RHOBTB1: variants seen among roughly 807,000 people sequenced by gnomAD.
The protein encoded by RHOBTB1 is Rho related BTB domain containing 1, also known as rho-related BTB domain-containing protein 1.
In RHOBTB1, 40 loss-of-function variants were observed where a neutral mutation model predicts 71.6. The observed-to-expected ratio is 0.56, with a 90% CI of 0.43 to 0.73. The LOEUF is 0.73. RHOBTB1 is among the 30% of genes least tolerant of loss of function. RHOBTB1 has a pLI of 0.00. For synonymous variants in RHOBTB1, 319 were observed against 334.9 expected (o/e 0.95, Z 0.52); for missense variants, 797 against 894.0 (o/e 0.89, Z 1.38).
intron 7 of RHOBTB1, among the ~76,000 whole-genome samples, chr10:60,885,665 G>A (rs548052330): frequency 6.6e-6 from 1 of 152,170 alleles, no homozygotes; most frequent in Non-Finnish European, 1.5e-5. Flanking sequence ...CCCCTGTCTG[G>A]TTAGGGGCAT....
chr10:60,942,965 G>C (rs1450580627), intron 1 of RHOBTB1, among the ~76,000 whole-genome samples: 3 of 152,088 alleles, frequency 2.0e-5, no homozygotes, highest in Non-Finnish European at 1.5e-5. Flanking sequence ...TGAGCGTCTG[G>C]CTGGAGTTCA....
chr10:60,994,265 G>T (rs1188544707), intron 1 of RHOBTB1, among the ~76,000 whole-genome samples: 3 of 152,058 alleles, frequency 2.0e-5, no homozygotes, highest in Admixed American at 2.0e-4. Context: ...TAAGGATGAG[G>T]ATAAGCAATT....
At position 60,954,715 on chromosome 10, in the gene RHOBTB1, A is replaced by T. The variant is rs78593665; in HGVS notation, c.-61-12861T>A. 4.2e-3 allele frequency among the ~76,000 whole-genome samples: 642 copies of T among 152,320 alleles called. 2 individuals carry two copies. Among genetic ancestry groups the T allele is most frequent in the African/African-American group, 0.015 (608 of 41,566 alleles). ...AATTGGATGGAAGGAAATGTGACAA[A>T]ATTATTTTTGAAATTACCCAAAAAG... On this transcript the variant is annotated intron_variant, in intron 2 of 11. Coordinates refer to the RHOBTB1 transcript ENST00000357917.
chr10:60,914,186 A>G (rs1421228704), intron 2 of RHOBTB1, among the ~76,000 whole-genome samples: 1 of 152,194 alleles, frequency 6.6e-6, no homozygotes, highest in South Asian at 2.1e-4. Flanking sequence ...AGACAGAAAA[A>G]GTTTTGGGTG....
chr10:60,915,622 A>T (rs1237933653), intron 2 of RHOBTB1, among the ~76,000 whole-genome samples: 4 of 152,202 alleles, frequency 2.6e-5, no homozygotes, highest in Non-Finnish European at 5.9e-5. Context: ...ATTGTTAAAT[A>T]AACAAGACAG....
intron 2 of RHOBTB1, among the ~76,000 whole-genome samples, chr10:60,911,976 A>G (rs2082998277): frequency 6.6e-6 from 1 of 152,130 alleles, no homozygotes; most frequent in Non-Finnish European, 1.5e-5. Context: ...TGGCAATGCT[A>G]GCATCTACTT....
chr10:60,942,279 T>G (rs974686014), intron 1 of RHOBTB1, among the ~76,000 whole-genome samples: 2 of 152,370 alleles, frequency 1.3e-5, no homozygotes, highest in African/African-American at 4.8e-5. Flanking sequence ...GCTTTTCCTG[T>G]TGTATTTGTA....
intron 4 of RHOBTB1, among the ~76,000 whole-genome samples, chr10:60,907,098 T>C (rs187718533): frequency 6.6e-6 from 1 of 152,188 alleles, no homozygotes; most frequent in African/African-American, 2.4e-5. Flanking sequence ...GTGACTTTGC[T>C]CCTCCTTTGC....
intron 2 of RHOBTB1, among the ~76,000 whole-genome samples, chr10:60,963,069 A>C (rs140081209): frequency 1.6e-4 from 24 of 152,276 alleles, no homozygotes; most frequent in African/African-American, 5.5e-4. Context: ...AAGTATTGCA[A>C]ATATGTATAA....
At chr10:60,982,237 ACC>A (rs1483743921) in intron 2 of RHOBTB1, among the ~76,000 whole-genome samples, 8 of 152,124 alleles carry the variant, frequency 5.3e-5, no homozygotes, top group Non-Finnish European at 1.2e-4. Context: ...TCCTAAAGGC[ACC>A]TATATATTGG....
At position 60,888,421 on chromosome 10, in the gene RHOBTB1, T is replaced by A. The variant is rs1384572334; in HGVS notation, c.1247A>T (p.Gln416Leu). The A allele has an allele frequency of 6.2e-7, 1 of 1,614,174 alleles. No homozygotes were observed. Among genetic ancestry groups the A allele is most frequent in the South Asian group, 1.1e-5 (1 of 91,082 alleles). Residue 416 changes from glutamine (Q) to leucine (L), a missense_variant, in exon 6 of 11, where the codon CAG becomes CTG. Coordinates refer to ENST00000337910, the MANE Select transcript of RHOBTB1 (RefSeq NM_014836.5). ...ATCCAGTTGTCCCGTATAAAGAAAC[T>A]GGAGCAGGGTCCGAAAAGGGCCTGG... is the stretch of plus-strand genomic sequence containing the variant. Reference protein sequence around the residue: ...VQPGPFRTLLQFLYTGQLDEK... With the variant: ...VQPGPFRTLLLFLYTGQLDEK...
chr10:60,974,155 G>A (rs191880073), intron 2 of RHOBTB1, among the ~76,000 whole-genome samples: 63 of 152,098 alleles, frequency 4.1e-4, no homozygotes, highest in African/African-American at 1.5e-3. Flanking sequence ...TCAGTTAAGA[G>A]TGTTGTCACC....
chr10:60,876,607 T>C (rs2081064743), intron 8 of RHOBTB1, among the ~76,000 whole-genome samples: 1 of 152,206 alleles, frequency 6.6e-6, no homozygotes, highest in Non-Finnish European at 1.5e-5. Context: ...GGCTTGGAAC[T>C]CATGTTTCTG....
intron 2 of RHOBTB1, among the ~76,000 whole-genome samples, chr10:60,971,581 C>G (rs1056104801): frequency 1.1e-4 from 16 of 152,152 alleles, no homozygotes; most frequent in African/African-American, 3.9e-4. Context: ...AGACCTAAAA[C>G]CATACAAACC....
intron 2 of RHOBTB1, among the ~76,000 whole-genome samples, chr10:60,933,696 CAAAAAAGAAAA>C (rs2084393681): frequency 6.9e-6 from 1 of 144,300 alleles, no homozygotes; most frequent in South Asian, 2.2e-4. Context: ...GAGAATCCGT[CAAAAAAGAAAA>C]AAAAAAGGAA....
intron 1 of RHOBTB1, among the ~76,000 whole-genome samples, chr10:60,989,536 G>A (rs2086784935): frequency 6.6e-6 from 1 of 152,084 alleles, no homozygotes; most frequent in South Asian, 2.1e-4. Context: ...CCTCTTCATA[G>A]GCAAACTACT....
intron 2 of RHOBTB1, among the ~76,000 whole-genome samples, chr10:60,931,080 T>C (rs1325060082): frequency 6.6e-6 from 1 of 152,186 alleles, no homozygotes; most frequent in Non-Finnish European, 1.5e-5. Flanking sequence ...ACAGTAATTG[T>C]TGCTGGACAA....
the RHOBTB1 span, among the ~76,000 whole-genome samples, chr10:60,863,267 G>C: frequency 2.0e-5 from 3 of 152,132 alleles, no homozygotes; most frequent in East Asian, 5.8e-4. Context: ...ACATTATTTG[G>C]GGGGAGTACA....
chr10:60,876,401 TA>T (rs901283552), intron 8 of RHOBTB1, among the ~76,000 whole-genome samples: 8 of 151,574 alleles, frequency 5.3e-5, no homozygotes, highest in Admixed American at 6.6e-5. Flanking sequence ...TTGGGTCAGT[TA>T]AAAAAAAACT....
Sources: allele counts gnomAD v4.1 joint callset (sites outside exome capture counted in the v4.1 genomes callset), GRCh38; gene constraint gnomAD v4.1.1; transcripts MANE v1.5; gene names NCBI Gene and HGNC (gene_info 2026-07-23, HGNC 2026-07-21).